Variants in CENPO observed in about 807,000 individuals in gnomAD.
The protein encoded by CENPO is centromeric protein O.
In CENPO, 30 loss-of-function variants were observed where a neutral mutation model predicts 36.1. The ratio of observed to expected loss-of-function variants is 0.83; its 90% confidence interval spans 0.62 to 1.13. CENPO has a LOEUF of 1.13. CENPO is among the 50% of genes most tolerant of loss of function. The pLI, the probability that CENPO is intolerant of heterozygous loss-of-function variation, is 0.00. For synonymous variants in CENPO, 171 were observed against 142.3 expected (o/e 1.20, Z -1.44); for missense variants, 349 against 357.8 (o/e 0.98, Z 0.20).
Position 24,820,235 on chromosome 2 carries a change from C to T in CENPO, c.*917C>T. On this transcript the variant is annotated 3_prime_UTR_variant, in exon 8 of 8. Transcript: ENST00000380834. ...CATGGGTCCCAAGCAGTACGGGACACTCCCCAAACCTCCCAGGGCCAAGCC... is the reference window on the plus strand; with the variant it reads ...CATGGGTCCCAAGCAGTACGGGACATTCCCCAAACCTCCCAGGGCCAAGCC... 8.5e-7 allele frequency: 1 copy of T among 1,175,328 alleles called. No homozygotes were observed. Among genetic ancestry groups the T allele is most frequent in the Non-Finnish European group, 1.1e-6 (1 of 880,750 alleles). 72.8% of individuals were successfully genotyped at this position (1,175,328 alleles called of 1,614,324 possible). A position where few individuals can be genotyped will look rare whatever the true frequency, so the allele number is the denominator to read the frequency against.
chr2:24,793,559 G>A (rs1428677335), intron 1 of CENPO, 58 bp downstream of exon 1: 1 of 1,512,282 alleles, frequency 6.6e-7, no homozygotes, highest in East Asian at 2.3e-5. Flanking sequence ...ACCGTGGCCA[G>A]GGTGGCGGGC....
intron 5 of CENPO, 129 bp from the exon 6 acceptor site, chr2:24,816,517 G>A: frequency 1.5e-6 from 1 of 668,994 alleles, no homozygotes; most frequent in Non-Finnish European, 2.5e-6. Flanking sequence ...ACCTTTTTCT[G>A]TCCCTCATTT....
rs1032242282 is a variant in CENPO at position 24,799,727 on chromosome 2, A to G, written c.99A>G (p.Lys33=). Residue 33 remains lysine, a synonymous_variant, in exon 3 of 8, where the codon AAA becomes AAG. Transcript: ENST00000380834. ...AGACCCAAGTGAGCAGATCCCGTAAACAGTCTGAAGAGCTGCAGAGCGTGC... is the reference window on the plus strand; with the variant it reads ...AGACCCAAGTGAGCAGATCCCGTAAGCAGTCTGAAGAGCTGCAGAGCGTGC... ...RLETQVSRSR[K]QSEELQSVQA... 1.2e-6 allele frequency: 2 copies of G among 1,613,966 alleles called. No homozygotes were observed. Among genetic ancestry groups the G allele is most frequent in the Non-Finnish European group, 1.7e-6 (2 of 1,180,040 alleles).
At chr2:24,815,200 C>T (rs955668417) in intron 4 of CENPO, among the ~76,000 whole-genome samples, 6 of 149,956 alleles carry the variant, frequency 4.0e-5, no homozygotes, top group Admixed American at 6.6e-5. Context: ...ATCGTGCCAC[C>T]GCACTCCAGC....
chr2:24,813,584 G>A (rs1179957074), intron 3 of CENPO, among the ~76,000 whole-genome samples: 2 of 152,134 alleles, frequency 1.3e-5, no homozygotes, highest in Non-Finnish European at 2.9e-5. Flanking sequence ...CACCTGTGCA[G>A]CTTAGGAATT....
intron 3 of CENPO, among the ~76,000 whole-genome samples, chr2:24,805,851 T>C (rs547075130): frequency 1.2e-4 from 18 of 152,316 alleles, no homozygotes; most frequent in Admixed American, 3.3e-4. Flanking sequence ...CTCTTCAAAC[T>C]ATCAGACAGG....
rs555367896 is a variant in CENPO at position 24,815,895 on chromosome 2, A to T, written c.594+139A>T. On this transcript the variant is annotated intron_variant, in intron 5 of 7. Coordinates refer to ENST00000380834, the MANE Select transcript of CENPO (RefSeq NM_001322101.2). ...CCTTTCCGATGCTTGTTTCTTATTT[A>T]TATAAAAGCACTATCCCACCCTCTT... The T allele has an allele frequency of 6.4e-6, 5 of 784,144 alleles. No individual in the cohort carries two copies. In the African/African-American group the frequency reaches 8.7e-5, roughly 14 times the overall value. The allele number at this position is 784,144 out of a possible 1,614,324, so 48.6% of individuals were successfully genotyped here. A position where few individuals can be genotyped will look rare whatever the true frequency, so the allele number is the denominator to read the frequency against.
At chr2:24,809,143 A>C (rs779552652) in intron 3 of CENPO, among the ~76,000 whole-genome samples, 1 of 152,194 alleles carries the variant, frequency 6.6e-6, no homozygotes, top group African/African-American at 2.4e-5. Context: ...TTTTTAAAAC[A>C]ACCTACTGTC....
intron 3 of CENPO, among the ~76,000 whole-genome samples, chr2:24,806,419 C>T (rs964064003): frequency 3.4e-4 from 52 of 152,312 alleles, no homozygotes; most frequent in African/African-American, 1.2e-3. Flanking sequence ...GTTGCTCACG[C>T]TGGGAGCTGT....
rs1433202147 is a variant in CENPO at position 24,793,439 on chromosome 2, C to T, written c.-131C>T. 1.2e-6 allele frequency: 2 copies of T among 1,606,042 alleles called. No individual in the cohort carries two copies. On this transcript the variant is annotated 5_prime_UTR_variant, in exon 1 of 8. In the 5' UTR this introduces an upstream ATG that the reference lacks. Coordinates refer to ENST00000380834, the MANE Select transcript of CENPO (RefSeq NM_001322101.2). Reference sequence around the variant, plus strand: ...TTTTGTACGGCAGGATCGCAAAGCACGCCGGGACCGGTTGGTTTGGTTTTG... The same window carrying T: ...TTTTGTACGGCAGGATCGCAAAGCATGCCGGGACCGGTTGGTTTGGTTTTG...
rs73923431 is a variant in CENPO at position 24,821,054 on chromosome 2, C to T, written c.*1736C>T. The T allele has an allele frequency of 1.2e-5, 8 of 654,230 alleles. No homozygotes were observed. Among genetic ancestry groups the T allele is most frequent in the African/African-American group, 3.7e-5 (2 of 54,112 alleles). The allele number at this position is 654,230 out of a possible 1,614,324, so 40.5% of individuals were successfully genotyped here. The stretch of plus-strand genomic sequence containing the variant: ...TGTTAGGTGTCAGCCGCCACCCCCC[C>T]CCCATATGCAGATTTACTCGGCATG... On this transcript the variant is annotated 3_prime_UTR_variant, in exon 8 of 8. Coordinates refer to ENST00000380834, the MANE Select transcript of CENPO (RefSeq NM_001322101.2).
chr2:24,821,546 T>G lies in CENPO; in HGVS notation c.*2228T>G. ...GCGCAGCATGAAGTTATTGAAGGAC[T>G]GGTTGTTGATGTTGGTGAGCGTATC... On this transcript the variant is annotated 3_prime_UTR_variant, in exon 8 of 8. Coordinates refer to ENST00000380834, the MANE Select transcript of CENPO (RefSeq NM_001322101.2). The G allele has an allele frequency of 6.2e-7, 1 of 1,614,160 alleles. No individual in the cohort carries two copies. The highest frequency in any genetic ancestry group is 8.5e-7 in the Non-Finnish European group (1 of 1,180,032).
chr2:24,797,068 T>G (rs575998247), intron 2 of CENPO, among the ~76,000 whole-genome samples: 1 of 152,302 alleles, frequency 6.6e-6, no homozygotes, highest in Admixed American at 6.5e-5. Context: ...ATGGCTTCAG[T>G]GTATGGGCCA....
At chr2:24,812,702 T>C (rs1350025555) in intron 3 of CENPO, among the ~76,000 whole-genome samples, 1 of 152,138 alleles carries the variant, frequency 6.6e-6, no homozygotes, top group Non-Finnish European at 1.5e-5. Flanking sequence ...TTTGAGTTAC[T>C]GTATTTTTTT....
Position 24,819,963 on chromosome 2 carries a change from G to A in CENPO, c.*645G>A, listed in dbSNP as rs778587134. On this transcript the variant is annotated 3_prime_UTR_variant, in exon 8 of 8. Coordinates refer to ENST00000380834, the MANE Select transcript of CENPO (RefSeq NM_001322101.2). ...GTTGTCCACCACCTGGTGGGGCAGTGTGACAGAGGGGCCATTGGGGAAGGT... is the reference window on the plus strand; with the variant it reads ...GTTGTCCACCACCTGGTGGGGCAGTATGACAGAGGGGCCATTGGGGAAGGT... 15 of 1,613,874 alleles carry A rather than the reference G, an allele frequency of 9.3e-6. No individual in the cohort carries two copies. In the East Asian group the frequency reaches 1.1e-4, roughly 12 times the overall value.
intron 3 of CENPO, among the ~76,000 whole-genome samples, chr2:24,805,195 C>T (rs1666340914): frequency 6.6e-6 from 1 of 152,196 alleles, no homozygotes; most frequent in Admixed American, 6.5e-5. Context: ...TTAAGGACTT[C>T]TCTGCATTGG....
At position 24,821,760 on chromosome 2, in the gene CENPO, C is replaced by T. The variant is rs1667754409; in HGVS notation, c.*2442C>T. On this transcript the variant is annotated 3_prime_UTR_variant, in exon 8 of 8. Coordinates refer to ENST00000380834, the MANE Select transcript of CENPO (RefSeq NM_001322101.2). The stretch of plus-strand genomic sequence containing the variant: ...CTACACCTAGATGTTCAAGGCCTTA[C>T]TTTTCCTCCCACAAAGGAGTCGCAG... 1.4e-6 allele frequency: 2 copies of T among 1,434,978 alleles called. No individual in the cohort carries two copies. Among genetic ancestry groups the T allele is most frequent in the Non-Finnish European group, 1.9e-6 (2 of 1,073,360 alleles). 88.9% of individuals were successfully genotyped at this position (1,434,978 alleles called of 1,614,324 possible). A position where few individuals can be genotyped will look rare whatever the true frequency, so the allele number is the denominator to read the frequency against.
chr2:24,798,975 CTTTTTTTTTTTTT>C (rs70947846), intron 2 of CENPO, among the ~76,000 whole-genome samples: 59 of 114,500 alleles, frequency 5.2e-4, no homozygotes, highest in Admixed American at 9.1e-4. Flanking sequence ...CTGGGGCTTC[CTTTTTTTTTTTTT>C]TTTTTTTTTT....
In CENPO at chr2:24,798,975, C is replaced by CTTTT. The variant is rs70947846; in HGVS notation, c.47-676_47-673dup. 9.6e-5 allele frequency among the ~76,000 whole-genome samples: 11 copies of CTTTT among 114,536 alleles called. 1 individual carries two copies. The highest frequency in any genetic ancestry group is 4.3e-4 in the African/African-American group (11 of 25,310). The allele number at this position is 114,536 out of a possible 152,430, so 75.1% of individuals were successfully genotyped here. ...TCGATTAAATAAAGTCTGGGGCTTC[C>CTTTT]TTTTTTTTTTTTTTTTTTTTTTTTT... is the stretch of plus-strand genomic sequence containing the variant. On this transcript the variant is annotated intron_variant, in intron 2 of 7. Transcript: ENST00000380834.
Sources: allele counts gnomAD v4.1 joint callset (sites outside exome capture counted in the v4.1 genomes callset), GRCh38; gene constraint gnomAD v4.1.1; transcripts MANE v1.5; gene names NCBI Gene and HGNC (gene_info 2026-07-23, HGNC 2026-07-21).